Variants in APOO observed in about 807,000 individuals in gnomAD.
The protein encoded by APOO is MICOS complex subunit MIC26.
APOO carries 11 observed loss-of-function variants against 23.1 expected under a neutral mutation model. That is an observed-to-expected ratio of 0.48 (90% CI 0.30 to 0.79). The LOEUF is 0.79. Ranked by LOEUF, APOO falls within the 30% of genes least tolerant of loss-of-function variation. APOO has a pLI of 0.07. For synonymous variants in APOO, 59 were observed against 54.8 expected (o/e 1.08, Z -0.34); for missense variants, 160 against 142.7 (o/e 1.12, Z -0.62).
chrX:23,851,485 G>A (rs1009106585), intron 7 of APOO, among the ~76,000 whole-genome samples: 1 of 111,786 alleles, frequency 8.9e-6, no homozygotes, highest in Non-Finnish European at 1.9e-5. Context: ...GAGCCACCGC[G>A]CCCCACGGTA....
intron 7 of APOO, among the ~76,000 whole-genome samples, chrX:23,851,199 CTT>C (rs35918681): frequency 4.0e-5 from 4 of 101,231 alleles, no homozygotes; most frequent in African/African-American, 7.2e-5. Context: ...CGGTAATTTC[CTT>C]TTTTTTTTTT....
At chrX:23,877,782 A>C (rs1725147702) in intron 3 of APOO, among the ~76,000 whole-genome samples, 1 of 110,959 alleles carries the variant, frequency 9.0e-6, no homozygotes, top group Non-Finnish European at 1.9e-5. Flanking sequence ...TCAAAAAAAA[A>C]AAAAAACAAA....
chrX:23,848,773 C>T (rs1038942908), intron 7 of APOO, among the ~76,000 whole-genome samples: 7 of 106,631 alleles, frequency 6.6e-5, no homozygotes, highest in African/African-American at 2.4e-4. Flanking sequence ...GCAACCTCTG[C>T]CTTGCAGCTT....
At chrX:23,880,175 T>C (rs1328192007) in intron 2 of APOO, among the ~76,000 whole-genome samples, 2 of 110,375 alleles carry the variant, frequency 1.8e-5, no homozygotes, top group Non-Finnish European at 3.8e-5. Context: ...AATGTGAATA[T>C]ATTCTTGGCT....
Position 23,903,141 on chromosome X carries a change from G to A in APOO, c.9+4553C>T, listed in dbSNP as rs753695750. Among the ~76,000 whole-genome samples the A allele has an allele frequency of 7.2e-4, 80 of 111,569 alleles. 1 individual carries two copies. In the East Asian group the frequency reaches 0.019, roughly 27 times the overall value. ...TCCCAGCACTTTGGGAGGCTGAGGC[G>A]GGTGGATCACAAGGTCAGGAGTTTG... On this transcript the variant is annotated intron_variant, in intron 1 of 8. Transcript: ENST00000379226.
intron 1 of APOO, among the ~76,000 whole-genome samples, chrX:23,903,971 C>T (rs1464419581): frequency 9.0e-6 from 1 of 111,324 alleles, no homozygotes; most frequent in South Asian, 3.8e-4. Context: ...TATCAACCAT[C>T]ATAGTGTCCA....
rs1271863125 is a variant in APOO, at chrX:23,868,687, G to C, written c.294C>G (p.Asp98Glu). ...KMQSLVQWGL[D>E]SYDYLQNAPP... ...GTGCATTTTGGAGATAGTCATAGCT[G>C]TCTACAATAGAATTAGACCAGGAAG... Residue 98 changes from aspartate to glutamate, a missense_variant and splice_region_variant, in exon 5 of 9, where the codon GAC becomes GAG. Coordinates refer to ENST00000379226, the MANE Select transcript of APOO (RefSeq NM_024122.5). The C allele has an allele frequency of 1.7e-6, 2 of 1,195,522 alleles. No individual in the cohort carries two copies.
intron 5 of APOO, among the ~76,000 whole-genome samples, chrX:23,864,286 T>C (rs931631316): frequency 2.1e-4 from 23 of 110,210 alleles, no homozygotes; most frequent in African/African-American, 7.3e-4. Flanking sequence ...TTAGCCACCA[T>C]ACCCGGCTGA....
At chrX:23,879,155 G>A (rs1214019084) in intron 2 of APOO, 121 bp from the exon 3 acceptor site, 3 of 878,801 alleles carry the variant, frequency 3.4e-6, no homozygotes, top group Non-Finnish European at 4.6e-6. Flanking sequence ...TGACTCTGTG[G>A]TCGGGTGTGG....
In APOO at chrX:23,886,534, A is replaced by C. The variant is rs992671621; in HGVS notation, c.10-5582T>G. ...AGCACACCTAATCCATGCCAAGCTC[A>C]TTCCTAAGGAGCCAGCCACACACCT... On this transcript the variant is annotated intron_variant, in intron 1 of 8. Coordinates refer to ENST00000379226, the MANE Select transcript of APOO (RefSeq NM_024122.5). 2.7e-5 allele frequency among the ~76,000 whole-genome samples: 3 copies of C among 112,007 alleles called. No homozygotes were observed. The Admixed American group carries it at 2.9e-4, about 11-fold the overall frequency.
At chrX:23,833,993 T>C (rs1276031037) in intron 8 of APOO, among the ~76,000 whole-genome samples, 1 of 108,452 alleles carries the variant, frequency 9.2e-6, no homozygotes, top group Non-Finnish European at 1.9e-5. Context: ...TCAAAATAAA[T>C]AAATAAATAG....
intron 5 of APOO, among the ~76,000 whole-genome samples, chrX:23,863,036 A>G (rs1337644081): frequency 9.0e-6 from 1 of 111,545 alleles, no homozygotes; most frequent in Admixed American, 9.5e-5. Flanking sequence ...GGCAAGAATG[A>G]AAACACTATA....
chrX:23,871,444 CCTT>C (rs1300092048), intron 4 of APOO, among the ~76,000 whole-genome samples: 2 of 110,874 alleles, frequency 1.8e-5, no homozygotes, highest in Admixed American at 1.9e-4. Context: ...CCTCATGTCT[CCTT>C]CTCAATCTCA....
At chrX:23,840,514 T>TG in intron 7 of APOO, 137 bp from the exon 8 acceptor site, 1 of 456,357 alleles carries the variant, frequency 2.2e-6, no homozygotes, top group East Asian at 4.2e-5. Context: ...ATTGAGGACT[T>TG]GGGGGGTTGT....
intron 1 of APOO, among the ~76,000 whole-genome samples, chrX:23,886,892 C>A (rs1437474565): frequency 1.8e-5 from 2 of 111,432 alleles, no homozygotes; most frequent in Non-Finnish European, 3.8e-5. Context: ...TATTCAAAAT[C>A]AGGATTTAAG....
chrX:23,877,065 T>C, intron 3 of APOO, among the ~76,000 whole-genome samples: 1 of 111,591 alleles, frequency 9.0e-6, no homozygotes. Flanking sequence ...GTATCACGCA[T>C]GGAAGAAAAG....
chrX:23,868,948 G>A (rs1449014993), intron 4 of APOO, among the ~76,000 whole-genome samples: 5 of 97,440 alleles, frequency 5.1e-5, no homozygotes, highest in African/African-American at 1.6e-4. Flanking sequence ...TGCTCTTGTC[G>A]CCCAGGCTGG....
intron 1 of APOO, among the ~76,000 whole-genome samples, chrX:23,892,014 CT>C (rs1438696175): frequency 9.1e-6 from 1 of 110,103 alleles, no homozygotes; most frequent in East Asian, 2.8e-4. Context: ...GATTCTCTAC[CT>C]TATTTAATGA....
intron 1 of APOO, among the ~76,000 whole-genome samples, chrX:23,897,543 A>C (rs1156368717): frequency 5.4e-5 from 6 of 112,124 alleles, no homozygotes; most frequent in Non-Finnish European, 3.8e-5. Context: ...GCATCCTGGG[A>C]CCCACTCAAT....
Sources: allele counts gnomAD v4.1 joint callset (sites outside exome capture counted in the v4.1 genomes callset), GRCh38; gene constraint gnomAD v4.1.1; transcripts MANE v1.5; gene names NCBI Gene and HGNC (gene_info 2026-07-23, HGNC 2026-07-21).